The following CELSR1 variants were observed in gnomAD, a reference collection of about 807,000 sequenced individuals.
CELSR1 encodes cadherin EGF LAG seven-pass G-type receptor 1, also known as adhesion G protein-coupled receptor C1.
A neutral mutation model predicts 249.1 loss-of-function variants in CELSR1; 110 were observed. The ratio of observed to expected loss-of-function variants is 0.44; its 90% CI spans 0.38 to 0.52. CELSR1 has a LOEUF of 0.52. Ranked by LOEUF, CELSR1 falls within the 20% of genes least tolerant of loss-of-function variation. CELSR1 has a pLI of 0.00. For synonymous variants in CELSR1, 2,113 were observed against 1,900.0 expected, an observed-to-expected ratio of 1.11 and a Z score of -2.92; for missense variants, 4,109 against 4,296.4, an observed-to-expected ratio of 0.96 and a Z score of 1.22.
chr22:46,502,126 T>C (rs1602218326), intron 1 of CELSR1, among the ~76,000 whole-genome samples: 1 of 151,130 alleles, frequency 6.6e-6, no homozygotes, highest in East Asian at 2.0e-4. Context: ...CTGGGCACAG[T>C]GGCGCACAAG....
In CELSR1 at chr22:46,464,199, C is replaced by T. The variant is rs773414571; in HGVS notation, c.3691G>A (p.Val1231Met). 4 of 1,613,614 alleles carry T rather than the reference C, an allele frequency of 2.5e-6. No homozygotes were observed. The South Asian group carries it at 4.4e-5, about 18-fold the overall frequency. Reference protein sequence around the residue: ...SPLLALFVEGVAAVLSTTKDD... With the variant: ...SPLLALFVEGMAAVLSTTKDD... ...TTGGTGGTGGACAGCACGGCGGCCA[C>T]CCCCTCCACGAAGAGGGCCAGCAGC... is the stretch of plus-strand genomic sequence containing the variant. Residue 1231 changes from valine (V) to methionine (M), a missense_variant, in exon 2 of 35, where the codon GTG becomes ATG. This residue lies in a region of CELSR1 where 141 missense variants were observed against 209.4 expected (regional missense o/e 0.67). Coordinates refer to ENST00000674500, the MANE Select transcript of CELSR1 (RefSeq NM_001378328.1). The surrounding 1 kb of genome is among the most constrained non-coding windows in gnomAD (Gnocchi z 8.5).
chr22:46,439,751 G>A (rs1214273370), intron 2 of CELSR1, among the ~76,000 whole-genome samples: 1 of 152,044 alleles, frequency 6.6e-6, no homozygotes, highest in Non-Finnish European at 1.5e-5. Context: ...AGGCTGAGCT[G>A]GACTCTTCTG....
intron 1 of CELSR1, among the ~76,000 whole-genome samples, chr22:46,509,405 A>T (rs2080549394): frequency 6.6e-6 from 1 of 152,124 alleles, no homozygotes. Context: ...TCTACCTGGG[A>T]CCCACAGGCT....
intron 9 of CELSR1, among the ~76,000 whole-genome samples, chr22:46,403,288 C>T (rs542958764): frequency 6.6e-6 from 1 of 152,056 alleles, no homozygotes; most frequent in East Asian, 1.9e-4. Flanking sequence ...GTGGCTTACA[C>T]CTGTAATCCC....
rs1426241938 is a variant in CELSR1 at position 46,391,096 on chromosome 22, C to T, written c.6250+90G>A. 21 of 1,077,276 alleles carry T rather than the reference C, an allele frequency of 1.9e-5. No homozygotes were observed. Among genetic ancestry groups the T allele is most frequent in the Non-Finnish European group, 2.4e-5 (18 of 735,146 alleles). 66.7% of individuals were successfully genotyped at this position (1,077,276 alleles called of 1,614,324 possible). A position where few individuals can be genotyped will look rare whatever the true frequency, so the allele number is the denominator to read the frequency against. ...TTTGCCTGCGGATATTTTTTCAACA[C>T]GAAACATTCCATGAGTCCCCACATC... On this transcript the variant is annotated intron_variant, in intron 16 of 34. Transcript: ENST00000674500. This position sits in a 1 kb window ranked among gnomAD's most constrained non-coding sequence, Gnocchi z 4.3.
chr22:46,500,880 C>T lies in CELSR1; in HGVS notation c.3544+32747G>A, dbSNP rs1602216972. Among the ~76,000 whole-genome samples, 1 of 152,230 alleles carries T rather than the reference C, an allele frequency of 6.6e-6. No homozygotes were observed. The highest frequency in any genetic ancestry group is 3.4e-3 in the Middle Eastern group (1 of 294). ...GCAGAGCTGTCCTTGTAAGCACGCC[C>T]ATGATGGGACCCGAAAATCAGCCCA... On this transcript the variant is annotated intron_variant, in intron 1 of 34. Transcript: ENST00000674500. This position sits in a 1 kb window ranked among gnomAD's most constrained non-coding sequence, Gnocchi z 4.9.
rs1448340497 is a variant in CELSR1, at chr22:46,464,167, G to A, written c.3723C>T (p.Asp1241=). ...VAAVLSTTKD[D]VFVFNVQNDT... Reference sequence around the variant, plus strand: ...CGTTCTGGACGTTGAAGACGAAGACGTCGTCCTTGGTGGTGGACAGCACGG... The same window carrying A: ...CGTTCTGGACGTTGAAGACGAAGACATCGTCCTTGGTGGTGGACAGCACGG... Residue 1241 remains aspartate (D), a synonymous_variant, in exon 2 of 35, where the codon GAC becomes GAT. Coordinates refer to ENST00000674500, the MANE Select transcript of CELSR1 (RefSeq NM_001378328.1). This position sits in a 1 kb window ranked among gnomAD's most constrained non-coding sequence, Gnocchi z 8.5. 6 of 1,613,618 alleles carry A rather than the reference G, an allele frequency of 3.7e-6. No individual in the cohort carries two copies. The highest frequency in any genetic ancestry group is 3.3e-5 in the South Asian group (3 of 91,092).
chr22:46,407,632 C>CA lies in CELSR1; in HGVS notation c.5226+1363dup, dbSNP rs1408052461. 3.3e-5 allele frequency among the ~76,000 whole-genome samples: 5 copies of CA among 151,272 alleles called. No individual in the cohort carries two copies. Among genetic ancestry groups the CA allele is most frequent in the East Asian group, 3.9e-4 (2 of 5,156 alleles). ...GGGCAACAAGAGCAAAACTTTATCT[C>CA]AAAAAAACAAAACAAAACAAAACAA... On this transcript the variant is annotated intron_variant, in intron 9 of 34. Transcript: ENST00000674500. The surrounding 1 kb of genome is among the most constrained non-coding windows in gnomAD (Gnocchi z 4.8).
Position 46,506,944 on chromosome 22 carries a change from C to T in CELSR1, c.3544+26683G>A, listed in dbSNP as rs113818422. On this transcript the variant is annotated intron_variant, in intron 1 of 34. Coordinates refer to ENST00000674500, the MANE Select transcript of CELSR1 (RefSeq NM_001378328.1). The surrounding 1 kb of genome is among the most constrained non-coding windows in gnomAD (Gnocchi z 4.1). ...GGGCGTGGTGGCTCACGTTTGTAATCCCAGCACTTTGGGAGGCCGAGGCGG... is the reference window on the plus strand; with the variant it reads ...GGGCGTGGTGGCTCACGTTTGTAATTCCAGCACTTTGGGAGGCCGAGGCGG... 0.017 allele frequency among the ~76,000 whole-genome samples: 2,633 copies of T among 152,276 alleles called. 68 individuals carry two copies. The highest frequency in any genetic ancestry group is 0.061 in the African/African-American group (2,525 of 41,546).
intron 9 of CELSR1, among the ~76,000 whole-genome samples, chr22:46,400,204 C>A (rs1223226613): frequency 6.6e-6 from 1 of 151,790 alleles, no homozygotes; most frequent in African/African-American, 2.4e-5. Flanking sequence ...GTGGTAGGTG[C>A]CTGTAATCCT....
intron 1 of CELSR1, among the ~76,000 whole-genome samples, chr22:46,465,206 C>T (rs1220138306): frequency 6.6e-6 from 1 of 152,156 alleles, no homozygotes; most frequent in African/African-American, 2.4e-5. Context: ...TCACCTGCCA[C>T]CTCCAGGCCC....
In CELSR1 at chr22:46,434,607, T is replaced by C. The variant is rs1189420386; in HGVS notation, c.4523-1126A>G. The stretch of plus-strand genomic sequence containing the variant: ...TCCTCCACCATCACACACATGTCAT[T>C]CAACACGGGCCAGGGTTCTAGAGAC... On this transcript the variant is annotated intron_variant, in intron 4 of 34. Coordinates refer to ENST00000674500, the MANE Select transcript of CELSR1 (RefSeq NM_001378328.1). The surrounding 1 kb of genome is among the most constrained non-coding windows in gnomAD (Gnocchi z 4.9). Among the ~76,000 whole-genome samples, 1 of 152,168 alleles carries C rather than the reference T, an allele frequency of 6.6e-6. No individual in the cohort carries two copies. The highest frequency in any genetic ancestry group is 1.5e-5 in the Non-Finnish European group (1 of 68,038).
chr22:46,459,536 G>A lies in CELSR1; in HGVS notation c.4183+4171C>T, dbSNP rs567269997. 3.3e-5 allele frequency among the ~76,000 whole-genome samples: 5 copies of A among 152,296 alleles called. No individual in the cohort carries two copies. In the South Asian group the frequency reaches 1.0e-3, roughly 32 times the overall value. ...GAGGGTCTACAGCTGCAGCTCAGAAGCCAGAATGCCTGGGTTTGAATCCTG... is the reference window on the plus strand; with the variant it reads ...GAGGGTCTACAGCTGCAGCTCAGAAACCAGAATGCCTGGGTTTGAATCCTG... On this transcript the variant is annotated intron_variant, in intron 2 of 34. Coordinates refer to ENST00000674500, the MANE Select transcript of CELSR1 (RefSeq NM_001378328.1).
Position 46,411,338 on chromosome 22 carries a change from G to T in CELSR1, c.4769+264C>A, listed in dbSNP as rs571285077. 2.2e-4 allele frequency among the ~76,000 whole-genome samples: 34 copies of T among 152,366 alleles called. No individual in the cohort carries two copies. Among genetic ancestry groups the T allele is most frequent in the Middle Eastern group, 3.4e-3 (1 of 294 alleles). On this transcript the variant is annotated intron_variant, in intron 6 of 34. Transcript: ENST00000674500. This position sits in a 1 kb window ranked among gnomAD's most constrained non-coding sequence, Gnocchi z 4.2. Reference sequence around the variant, plus strand: ...GCCAGTGATCCGTGGAGATGGGGCTGGAGACCGTCTCGGGGTCTGCAAGCT... The same window carrying T: ...GCCAGTGATCCGTGGAGATGGGGCTTGAGACCGTCTCGGGGTCTGCAAGCT...
At position 46,456,461 on chromosome 22, in the gene CELSR1, C is replaced by T. The variant is rs139259249; in HGVS notation, c.4183+7246G>A. 8.1e-3 allele frequency among the ~76,000 whole-genome samples: 1,227 copies of T among 151,966 alleles called. 14 individuals are homozygous for T. The highest frequency in any genetic ancestry group is 0.025 in the African/African-American group (1,055 of 41,446). On this transcript the variant is annotated intron_variant, in intron 2 of 34. Transcript: ENST00000674500. ...GATCACGAGGTCAGGAGATCGAGAC[C>T]GTCATGGTTAACAAGGTGACACCCC...
rs140118966 is a variant in CELSR1, at chr22:46,455,913, T to A, written c.4183+7794A>T. 4.8e-3 allele frequency among the ~76,000 whole-genome samples: 728 copies of A among 152,326 alleles called. 6 individuals are homozygous for A. Among genetic ancestry groups the A allele is most frequent in the African/African-American group, 0.017 (689 of 41,576 alleles). ...TGAAATAATGCCCCAGCTTTACAGC[T>A]ACGTACCAGGGACATGGCAAATCTC... On this transcript the variant is annotated intron_variant, in intron 2 of 34. Transcript: ENST00000674500.
Position 46,394,326 on chromosome 22 carries a change from G to C in CELSR1, c.5844-64C>G. The C allele has an allele frequency of 3.2e-6, 5 of 1,547,218 alleles. No individual in the cohort carries two copies. The Admixed American group carries it at 7.3e-5, about 23-fold the overall frequency. Reference sequence around the variant, plus strand: ...AACTGTGCTTTCTGGAATGAGAAGAGGCCTGCAGGCAGCATGGAGATGGTT... The same window carrying C: ...AACTGTGCTTTCTGGAATGAGAAGACGCCTGCAGGCAGCATGGAGATGGTT... On this transcript the variant is annotated intron_variant, in intron 13 of 34. Transcript: ENST00000674500.
intron 1 of CELSR1, among the ~76,000 whole-genome samples, chr22:46,519,236 T>C (rs1395170398): frequency 6.6e-6 from 1 of 152,212 alleles, no homozygotes; most frequent in Non-Finnish European, 1.5e-5. Context: ...ACCACTGTGA[T>C]GTTCTAAACA....
Position 46,399,900 on chromosome 22 carries a change from G to T in CELSR1, c.5229C>A (p.Ile1743=), listed in dbSNP as rs1602081621. ...SGGPTSFRLQ[I]LNNYLQFEVS... ...CCTCAAACTGGAGGTAGTTGTTCAG[G>T]ATCTGGAGCAGGGAGAGCCACACCG... The change falls in exon 10 of 35, where the codon ATC becomes ATA. Residue 1743 remains isoleucine, a splice_region_variant and synonymous_variant. Transcript: ENST00000674500. The surrounding 1 kb of genome is among the most constrained non-coding windows in gnomAD (Gnocchi z 5.0). 6.2e-7 allele frequency: 1 copy of T among 1,614,042 alleles called. No individual in the cohort carries two copies. Among genetic ancestry groups the T allele is most frequent in the Admixed American group, 1.7e-5 (1 of 60,018 alleles).
Sources: gnomAD v4.1 joint callset for allele counts (sites outside exome capture counted in the v4.1 genomes callset) on GRCh38, gnomAD v4.1.1 for gene constraint, gnomAD v4.1.1 regional missense constraint, Gnocchi (gnomAD v3.1) non-coding constraint, MANE v1.5 for transcripts, NCBI Gene and HGNC (gene_info 2026-07-23, HGNC 2026-07-21) for gene names.